SLC6A12: variants seen among roughly 807,000 people sequenced by gnomAD.
SLC6A12 encodes the protein sodium- and chloride-dependent betaine transporter.
A neutral mutation model predicts 73.3 loss-of-function variants in SLC6A12; 50 were observed. The observed-to-expected ratio is 0.68, with a 90% CI of 0.54 to 0.86. The LOEUF (loss-of-function observed/expected upper bound fraction) is 0.86. Among genes scored for constraint, SLC6A12 ranks in the 40% least tolerant of loss-of-function variants. The pLI is 0.00. For missense variants in SLC6A12, 648 were observed against 772.8 expected (o/e 0.84, Z 1.92); for synonymous variants, 304 against 309.2 (o/e 0.98, Z 0.18).
intron 5 of SLC6A12, 103 bp from the exon 6 acceptor site, chr12:201,952 C>G: frequency 4.4e-6 from 4 of 918,960 alleles, no homozygotes; most frequent in Non-Finnish European, 6.9e-6. Flanking sequence ...CCACTCCTAG[C>G]CCCAAGAGCT....
chr12:205,508 A>T (rs991643502), intron 3 of SLC6A12, among the ~76,000 whole-genome samples: 1 of 152,224 alleles, frequency 6.6e-6, no homozygotes, highest in Non-Finnish European at 1.5e-5. Flanking sequence ...CATTTTGCAG[A>T]TAATAAAACT....
the SLC6A12 span, among the ~76,000 whole-genome samples, chr12:184,918 A>T: frequency 7.4e-6 from 1 of 134,700 alleles, no homozygotes; most frequent in African/African-American, 3.0e-5. Context: ...GGGGGACAGA[A>T]TGAAACTGTC....
rs1411316758 is a variant in SLC6A12 at position 202,752 on chromosome 12, A to C, written c.478T>G (p.Phe160Val). The change falls in exon 5 of 16, where the codon TTT (phenylalanine) becomes GTT (valine). Residue 160 changes from phenylalanine (F) to valine (V), a missense_variant. Transcript: ENST00000684302. ...SELPWTTCNN[F>V]WNTEHCTDFL... ...AAATGATGGATACCTGTGTTCCAAAAGTTGTTGCAGGTCGTCCAGGGCAGC... is the reference window on the plus strand; with the variant it reads ...AAATGATGGATACCTGTGTTCCAAACGTTGTTGCAGGTCGTCCAGGGCAGC... 4 of 1,613,518 alleles carry C rather than the reference A, an allele frequency of 2.5e-6. No homozygotes were observed. In the African/African-American group the frequency reaches 5.3e-5, roughly 22 times the overall value.
chr12:196,556 C>T (rs1042598790), intron 11 of SLC6A12, among the ~76,000 whole-genome samples: 2 of 152,182 alleles, frequency 1.3e-5, no homozygotes, highest in Non-Finnish European at 2.9e-5. Context: ...TCCATGCATG[C>T]AGAGGCTCAA....
chr12:201,660 A>G, intron 6 of SLC6A12, 102 bp downstream of exon 6: 1 of 913,510 alleles, frequency 1.1e-6, no homozygotes, highest in Non-Finnish European at 1.8e-6. Context: ...AGTGCTGGAA[A>G]GCACACACAG....
rs573455723 is a variant in SLC6A12 at position 208,026 on chromosome 12, G to A, written c.214+1747C>T. Among the ~76,000 whole-genome samples, 188 of 152,302 alleles carry A rather than the reference G, an allele frequency of 1.2e-3. 1 individual carries two copies. The highest frequency in any genetic ancestry group is 4.2e-3 in the African/African-American group (175 of 41,570). Reference sequence around the variant, plus strand: ...AGAGGCAGGGTGGGCGCCCGACACCGCGGCCCTGCCTCCCAGGCCCTAGTG... The same window carrying A: ...AGAGGCAGGGTGGGCGCCCGACACCACGGCCCTGCCTCCCAGGCCCTAGTG... On this transcript the variant is annotated intron_variant, in intron 3 of 15. Coordinates refer to ENST00000684302, the MANE Select transcript of SLC6A12 (RefSeq NM_001122848.3).
In SLC6A12 at chr12:198,374, C is replaced by A. The variant is rs1440307639; in HGVS notation, c.847-371G>T. Among the ~76,000 whole-genome samples the A allele has an allele frequency of 6.6e-6, 1 of 152,198 alleles. No homozygotes were observed. Among genetic ancestry groups the A allele is most frequent in the Admixed American group, 6.5e-5 (1 of 15,276 alleles). On this transcript the variant is annotated intron_variant, in intron 8 of 15. Coordinates refer to ENST00000684302, the MANE Select transcript of SLC6A12 (RefSeq NM_001122848.3). This position sits in a 1 kb window ranked among gnomAD's most constrained non-coding sequence, Gnocchi z 4.0. ...ACATAGTGTCTTAAGCAGCTATGAC[C>A]TGGGGACAAAGAGGCTGCTTCATCA...
downstream of SLC6A12, among the ~76,000 whole-genome samples, chr12:186,994 C>T (rs1202169071): frequency 1.3e-5 from 2 of 152,188 alleles, no homozygotes; most frequent in Non-Finnish European, 2.9e-5. Context: ...GCCCAAAGTT[C>T]TCACTTTCTC....
intron 4 of SLC6A12, 133 bp downstream of exon 4, chr12:204,431 G>T: frequency 1.1e-6 from 1 of 913,288 alleles, no homozygotes; most frequent in Admixed American, 1.9e-5. Flanking sequence ...CATGAAGCCT[G>T]ATTCTGCACT....
At chr12:200,917 C>A in intron 6 of SLC6A12, 134 bp from the exon 7 acceptor site, 1 of 834,410 alleles carries the variant, frequency 1.2e-6, no homozygotes, top group Non-Finnish European at 1.8e-6. Context: ...TCCCCACCTC[C>A]CCCACAGTCA....
At chr12:188,164 AG>A (rs1220225941), downstream of SLC6A12, among the ~76,000 whole-genome samples, 1 of 152,146 alleles carries the variant, frequency 6.6e-6, no homozygotes, top group Non-Finnish European at 1.5e-5. Context: ...GCCCTGGAGC[AG>A]GGGGCGGCGC....
At chr12:207,671 AT>A (rs1349368246) in intron 3 of SLC6A12, among the ~76,000 whole-genome samples, 1 of 152,198 alleles carries the variant, frequency 6.6e-6, no homozygotes, top group African/African-American at 2.4e-5. Context: ...AAGCAAAAAA[AT>A]AAAAGACATT....
chr12:212,020 A>G lies in SLC6A12; in HGVS notation c.-58+6T>C, dbSNP rs1472215843. ...GACACTGTTCTCAATGCTAGAATACACTTACCAAGACAATGAGTCGTGGAG... is the reference window on the plus strand; with the variant it reads ...GACACTGTTCTCAATGCTAGAATACGCTTACCAAGACAATGAGTCGTGGAG... On this transcript the variant is annotated splice_donor_region_variant and intron_variant, in intron 2 of 15. Transcript: ENST00000684302. 6.6e-6 allele frequency: 1 copy of G among 152,230 alleles called. No individual in the cohort carries two copies. Among genetic ancestry groups the G allele is most frequent in the Non-Finnish European group, 1.5e-5 (1 of 68,034 alleles). 9.4% of individuals were successfully genotyped at this position (152,230 alleles called of 1,614,324 possible).
chr12:195,011 A>G (rs1939794372), intron 13 of SLC6A12, among the ~76,000 whole-genome samples: 1 of 152,216 alleles, frequency 6.6e-6, no homozygotes, highest in South Asian at 2.1e-4. Context: ...AAGGAAATCC[A>G]TTTTGTCATC....
At chr12:204,851 G>T in intron 3 of SLC6A12, 153 bp from the exon 4 acceptor site, 1 of 763,756 alleles carries the variant, frequency 1.3e-6, no homozygotes. Context: ...CTGCCTGCGT[G>T]CAGTCCTGAG....
intron 5 of SLC6A12, 82 bp downstream of exon 5, chr12:202,658 C>A: frequency 3.5e-6 from 5 of 1,438,472 alleles, no homozygotes; most frequent in Non-Finnish European, 4.8e-6. Context: ...TACACTTATA[C>A]TCCCCGTCGT....
chr12:204,939 G>C (rs2137185061), intron 3 of SLC6A12: 1 of 466,200 alleles, frequency 2.1e-6, no homozygotes, highest in Middle Eastern at 5.3e-4. Context: ...GGAAATTAGT[G>C]AAAACTTAGG....
At position 191,548 on chromosome 12, in the gene SLC6A12, GAGTA is replaced by G. The variant is rs1487993614; in HGVS notation, c.1702-341_1702-338del. On this transcript the variant is annotated intron_variant, in intron 15 of 15. Coordinates refer to ENST00000684302, the MANE Select transcript of SLC6A12 (RefSeq NM_001122848.3). The stretch of plus-strand genomic sequence containing the variant: ...ACCTCACAGAACAGTGCTTGGCACA[GAGTA>G]AGTGATCAATAAATATCTATTTTTG... 3.9e-5 allele frequency among the ~76,000 whole-genome samples: 6 copies of G among 152,328 alleles called. No individual in the cohort carries two copies. The South Asian group carries it at 1.0e-3, about 26-fold the overall frequency.
chr12:204,405 C>T (rs1940507678), intron 4 of SLC6A12, among the ~76,000 whole-genome samples, 159 bp downstream of exon 4: 1 of 152,254 alleles, frequency 6.6e-6, no homozygotes, highest in African/African-American at 2.4e-5. Flanking sequence ...CCCCACCAGG[C>T]TCTCTCCGGC....
Sources: gnomAD v4.1 joint callset for allele counts (sites outside exome capture counted in the v4.1 genomes callset) on GRCh38, gnomAD v4.1.1 for gene constraint, Gnocchi (gnomAD v3.1) non-coding constraint, MANE v1.5 for transcripts, NCBI Gene and HGNC (gene_info 2026-07-23, HGNC 2026-07-21) for gene names.